CTNNA3: variants seen among roughly 807,000 people sequenced by gnomAD.
CTNNA3 encodes the protein catenin alpha 3.
In CTNNA3, 76 loss-of-function variants were observed where a neutral mutation model predicts 95.7. The ratio of observed to expected loss-of-function variants is 0.79; its 90% CI spans 0.66 to 0.96. The LOEUF (loss-of-function observed/expected upper bound fraction) is 0.96, where lower values mean the gene tolerates loss of function less well. Among genes scored for constraint, CTNNA3 ranks in the 40% least tolerant of loss-of-function variants. The probability of loss-of-function intolerance (pLI) is 0.00; values close to 1 mark genes in which losing one functional copy is unlikely to be tolerated. For missense variants in CTNNA3, 1,191 were observed against 1,089.8 expected (o/e 1.09, Z -1.31); for synonymous variants, 431 against 374.4 (o/e 1.15, Z -1.74).
At chr10:66,220,607 G>A (rs2088873648) in intron 13 of CTNNA3, among the ~76,000 whole-genome samples, 1 of 152,210 alleles carries the variant, frequency 6.6e-6, no homozygotes, top group African/African-American at 2.4e-5. Context: ...CAGCATCCAA[G>A]AAGAATCAGG....
intron 7 of CTNNA3, among the ~76,000 whole-genome samples, chr10:67,166,383 A>G (rs78867280): frequency 0.094 from 14,334 of 152,214 alleles, 796 homozygotes; most frequent in South Asian, 0.2. Flanking sequence ...CACACTGGAC[A>G]CTAGAATCTT....
chr10:66,533,608 T>C (rs2659996), intron 10 of CTNNA3, among the ~76,000 whole-genome samples: 99,706 of 151,960 alleles, frequency 0.66, 35,491 homozygotes, highest in Non-Finnish European at 0.8. Flanking sequence ...TATGTTATTT[T>C]CCCAGGGTAC....
At chr10:66,470,138 G>A (rs1839073773) in intron 11 of CTNNA3, among the ~76,000 whole-genome samples, 1 of 151,788 alleles carries the variant, frequency 6.6e-6, no homozygotes, top group South Asian at 2.1e-4. Flanking sequence ...ATGGGCTTTG[G>A]ATAGGAGGAA....
At chr10:67,368,117 C>T (rs1203987060) in intron 5 of CTNNA3, among the ~76,000 whole-genome samples, 3 of 151,812 alleles carry the variant, frequency 2.0e-5, no homozygotes, top group East Asian at 3.9e-4. Context: ...AGAAAATATT[C>T]GAAAAATAAA....
intron 5 of CTNNA3, among the ~76,000 whole-genome samples, chr10:67,250,830 T>C (rs149655943): frequency 6.6e-6 from 1 of 152,304 alleles, no homozygotes; most frequent in East Asian, 1.9e-4. Context: ...TCAATAACAC[T>C]TGTTGGCAAG....
chr10:66,443,212 T>C (rs1369015445), intron 11 of CTNNA3, among the ~76,000 whole-genome samples: 1 of 152,158 alleles, frequency 6.6e-6, no homozygotes. Context: ...CCTGCCTCTG[T>C]AGGCTCCACC....
Position 66,854,440 on chromosome 10 carries a change from C to T in CTNNA3, c.1048-78916G>A, listed in dbSNP as rs141308450. Among the ~76,000 whole-genome samples, 1,085 of 151,682 alleles carry T rather than the reference C, an allele frequency of 7.2e-3. 8 individuals carry two copies. The highest frequency in any genetic ancestry group is 0.012 in the Non-Finnish European group (798 of 67,854). On this transcript the variant is annotated intron_variant, in intron 7 of 17. Transcript: ENST00000433211. ...AGACATAACTATGATCTCTAGGATTCGACAAACAAGTAAAAGTATTAATCA... is the reference window on the plus strand; with the variant it reads ...AGACATAACTATGATCTCTAGGATTTGACAAACAAGTAAAAGTATTAATCA...
At chr10:66,561,692 A>T (rs1177964378) in intron 10 of CTNNA3, among the ~76,000 whole-genome samples, 1 of 152,096 alleles carries the variant, frequency 6.6e-6, no homozygotes, top group East Asian at 1.9e-4. Context: ...GTGGACCTGG[A>T]TGAACAGACT....
chr10:66,900,390 G>A (rs1445515033), intron 7 of CTNNA3, among the ~76,000 whole-genome samples: 2 of 152,092 alleles, frequency 1.3e-5, no homozygotes, highest in African/African-American at 4.8e-5. Flanking sequence ...AAGACCAAAG[G>A]TAGATAAAAC....
intron 7 of CTNNA3, among the ~76,000 whole-genome samples, chr10:66,850,960 T>C (rs1843461998): frequency 1.3e-5 from 2 of 152,150 alleles, no homozygotes; most frequent in Non-Finnish European, 2.9e-5. Flanking sequence ...TCAGGGATTT[T>C]AAATTATTTT....
At chr10:67,118,949 T>C (rs1344173135) in intron 7 of CTNNA3, among the ~76,000 whole-genome samples, 9 of 152,034 alleles carry the variant, frequency 5.9e-5, no homozygotes, top group African/African-American at 1.7e-4. Flanking sequence ...GAGAAAATAT[T>C]ATGAACCCTG....
intron 7 of CTNNA3, among the ~76,000 whole-genome samples, chr10:66,901,588 G>A (rs954942074): frequency 2.0e-5 from 3 of 152,082 alleles, no homozygotes; most frequent in Non-Finnish European, 4.4e-5. Context: ...TGGCAAATTG[G>A]ATAAAGAGTC....
At chr10:65,960,389 G>T (rs181972434) in intron 17 of CTNNA3, among the ~76,000 whole-genome samples, 18 of 152,116 alleles carry the variant, frequency 1.2e-4, no homozygotes, top group Non-Finnish European at 2.4e-4. Context: ...GCCAGGCGCC[G>T]TGGGGGGCAC....
intron 7 of CTNNA3, among the ~76,000 whole-genome samples, chr10:67,060,801 T>C (rs1855713524): frequency 6.6e-6 from 1 of 152,154 alleles, no homozygotes; most frequent in African/African-American, 2.4e-5. Flanking sequence ...ACTAGGTGTG[T>C]CTCCCAGTAC....
chr10:66,773,860 A>G (rs925531071), intron 8 of CTNNA3, among the ~76,000 whole-genome samples: 2 of 152,222 alleles, frequency 1.3e-5, no homozygotes, highest in African/African-American at 2.4e-5. Flanking sequence ...GTGGAAATAC[A>G]AGTAGGATTG....
At chr10:67,140,234 A>G (rs1054364935) in intron 7 of CTNNA3, among the ~76,000 whole-genome samples, 5 of 152,310 alleles carry the variant, frequency 3.3e-5, no homozygotes, top group Non-Finnish European at 7.4e-5. Flanking sequence ...TCACTTCTTT[A>G]TAAGATGGTT....
At chr10:66,666,176 T>G (rs2132457048) in intron 9 of CTNNA3, among the ~76,000 whole-genome samples, 1 of 152,250 alleles carries the variant, frequency 6.6e-6, no homozygotes, top group East Asian at 1.9e-4. Context: ...TCCCATGTAT[T>G]TTCCTAAGCC....
chr10:66,689,473 C>T (rs10997306), intron 9 of CTNNA3, among the ~76,000 whole-genome samples: 27,101 of 152,014 alleles, frequency 0.18, 3,061 homozygotes, highest in East Asian at 0.34. Context: ...GTGGCTTAAA[C>T]AAACTTTTGG....
At chr10:67,109,625 A>G (rs1440583695) in intron 7 of CTNNA3, among the ~76,000 whole-genome samples, 1 of 151,542 alleles carries the variant, frequency 6.6e-6, no homozygotes, top group African/African-American at 2.4e-5. Context: ...TGTGTGGATC[A>G]CGAGATCAAG....
Sources: allele counts gnomAD v4.1 joint callset (sites outside exome capture counted in the v4.1 genomes callset), GRCh38; gene constraint gnomAD v4.1.1; transcripts MANE v1.5; gene names NCBI Gene and HGNC (gene_info 2026-07-23, HGNC 2026-07-21).